PITRM1: variants seen among roughly 807,000 people sequenced by gnomAD.
The protein encoded by PITRM1 is presequence protease, mitochondrial.
In PITRM1, 100 loss-of-function variants were observed where a neutral mutation model predicts 129.9. The observed-to-expected ratio is 0.77, with a 90% CI of 0.65 to 0.91. PITRM1 has a LOEUF of 0.91. Among genes scored for constraint, PITRM1 ranks in the 40% least tolerant of loss-of-function variants. The pLI is 0.00. For missense variants in PITRM1, 1,471 were observed against 1,318.3 expected (o/e 1.12, Z -1.79); for synonymous variants, 591 against 508.8 (o/e 1.16, Z -2.17).
At chr10:3,152,531 CTG>C (rs1841609140) in intron 14 of PITRM1, among the ~76,000 whole-genome samples, 1 of 152,222 alleles carries the variant, frequency 6.6e-6, no homozygotes, top group Non-Finnish European at 1.5e-5. Context: ...AGGTGCCCCA[CTG>C]TGGGCTCCAG....
At chr10:3,147,286 G>C (rs759542993) in intron 19 of PITRM1, 36 bp from the exon 20 acceptor site, 4 of 1,434,186 alleles carry the variant, frequency 2.8e-6, no homozygotes, top group Non-Finnish European at 3.9e-6. Flanking sequence ...GAGAGGCAGA[G>C]GCTACAACAG....
intron 24 of PITRM1, among the ~76,000 whole-genome samples, chr10:3,139,489 C>G (rs114386376): frequency 2.7e-4 from 41 of 151,992 alleles, no homozygotes; most frequent in African/African-American, 9.7e-4. Context: ...TCCAGACTTC[C>G]CTTCGTGTAA....
At chr10:3,170,027 A>G in intron 2 of PITRM1, 77 bp downstream of exon 2, 1 of 1,078,706 alleles carries the variant, frequency 9.3e-7, no homozygotes, top group Non-Finnish European at 1.4e-6. Flanking sequence ...TCCGCCCTGA[A>G]GGGCTCCGTA....
In PITRM1 at chr10:3,143,371, C is replaced by T. The variant is rs556081541; in HGVS notation, c.2645+18G>A. On this transcript the variant is annotated intron_variant, in intron 23 of 26. Coordinates refer to ENST00000224949, the MANE Select transcript of PITRM1 (RefSeq NM_014889.4). ...CGTAAGGCTCAGGCCTGAGAGGTCC[C>T]GACCTACACCCTCCTACCTGGCATG... is the stretch of plus-strand genomic sequence containing the variant. 2.3e-4 allele frequency: 354 copies of T among 1,512,308 alleles called. 5 individuals are homozygous for T. In the Middle Eastern group the frequency reaches 3.2e-3, roughly 14 times the overall value. 93.7% of individuals were successfully genotyped at this position (1,512,308 alleles called of 1,614,324 possible). A position where few individuals can be genotyped will look rare whatever the true frequency, so the allele number is the denominator to read the frequency against.
intron 1 of PITRM1, among the ~76,000 whole-genome samples, chr10:3,171,147 TAAAAAAAAAAAA>T (rs1169315061): frequency 2.4e-4 from 12 of 49,206 alleles, no homozygotes; most frequent in South Asian, 2.2e-3. Flanking sequence ...ATCGTTCAAT[TAAAAAAAAAAAA>T]AAAAAAAAAA....
At chr10:3,152,331 C>T (rs35361061) in intron 14 of PITRM1, among the ~76,000 whole-genome samples, 368 of 152,278 alleles carry the variant, frequency 2.4e-3, no homozygotes, top group Admixed American at 4.8e-3. Context: ...CATGATTCCA[C>T]GACTCCCGGG....
intron 20 of PITRM1, 80 bp from the exon 21 acceptor site, chr10:3,145,796 AT>A (rs1840800315): frequency 8.9e-7 from 1 of 1,123,422 alleles, no homozygotes; most frequent in Admixed American, 2.1e-5. Flanking sequence ...GTATAACTCA[AT>A]AATGTTGTTT....
At position 3,163,871 on chromosome 10, in the gene PITRM1, C is replaced by A. The variant is rs547538282; in HGVS notation, c.645G>T (p.Arg215Ser). Residue 215 changes from arginine (R) to serine (S), a missense_variant, in exon 7 of 27, where the codon AGG (arginine) becomes AGT (serine). Arg to Ser is a moderately radical substitution (Grantham distance 110). Coordinates refer to ENST00000224949, the MANE Select transcript of PITRM1 (RefSeq NM_014889.4). ...TGTTCTGAAGGTGCTGGGAGAATAT[C>A]CTCTCATTGTCTGTCTTGAAACGTA... ...EMKGAFTDNE[R>S]IFSQHLQNRL... 2 of 1,604,230 alleles carry A rather than the reference C, an allele frequency of 1.2e-6. No homozygotes were observed. The highest frequency in any genetic ancestry group is 2.7e-5 in the African/African-American group (2 of 74,644).
chr10:3,143,271 ACACTCAGAGTCAG>A, intron 23 of PITRM1, 105 bp downstream of exon 23: 5 of 668,970 alleles, frequency 7.5e-6, no homozygotes, highest in Non-Finnish European at 1.4e-5. Context: ...CCCAGGTCCA[ACACTCAGAGTCAG>A]CACAGACTTT....
chr10:3,144,779 C>T (rs1297952657), intron 21 of PITRM1, among the ~76,000 whole-genome samples: 3 of 151,866 alleles, frequency 2.0e-5, no homozygotes, highest in South Asian at 2.1e-4. Context: ...CACTCCAGCC[C>T]GAGTGCCAGA....
At position 3,166,981 on chromosome 10, in the gene PITRM1, G is replaced by C; in HGVS notation, c.221C>G (p.Ala74Gly). ...AVKLTHDDTGARYLHLAREDT... is the reference protein window; with the variant it reads ...AVKLTHDDTGGRYLHLAREDT... ...TTCTCTGGCCAGGTGTAAATACCTG[G>C]CTCCTGTGTCATCATGGGTGAGCTT... The change falls in exon 3 of 27, where the codon GCC (alanine) becomes GGC (glycine). Residue 74 changes from alanine to glycine, a missense_variant. Transcript: ENST00000224949. 1 of 1,611,548 alleles carries C rather than the reference G, an allele frequency of 6.2e-7. No homozygotes were observed. Among genetic ancestry groups the C allele is most frequent in the Non-Finnish European group, 8.5e-7 (1 of 1,178,710 alleles).
chr10:3,163,789 G>C lies in PITRM1; in HGVS notation c.727C>G (p.Pro243Ala), dbSNP rs777724697. ...TTAAGCTGCTCCCATGTAAGCTCCGGGATGCACAGTGGGTCACCCCCGGAG... is the reference window on the plus strand; with the variant it reads ...TTAAGCTGCTCCCATGTAAGCTCCGCGATGCACAGTGGGTCACCCCCGGAG... ...VVSGGDPLCIPELTWEQLKQF... is the reference protein window; with the variant it reads ...VVSGGDPLCIAELTWEQLKQF... Residue 243 changes from proline to alanine, a missense_variant, in exon 7 of 27, where the codon CCG becomes GCG. Transcript: ENST00000224949. 16 of 1,613,484 alleles carry C rather than the reference G, an allele frequency of 9.9e-6. No homozygotes were observed. The East Asian group carries it at 3.6e-4, about 36-fold the overall frequency.
At chr10:3,172,092 TA>T in intron 1 of PITRM1, 2 of 422,504 alleles carry the variant, frequency 4.7e-6, no homozygotes, top group Non-Finnish European at 9.3e-6. Context: ...AAGGACATGA[TA>T]GGAAACTCCT....
At chr10:3,162,854 C>A (rs538459246) in intron 7 of PITRM1, among the ~76,000 whole-genome samples, 6 of 152,342 alleles carry the variant, frequency 3.9e-5, no homozygotes, top group Admixed American at 2.6e-4. Context: ...CCAGGTGTGA[C>A]CTGTGGGACC....
chr10:3,144,780 G>A lies in PITRM1; in HGVS notation c.2458-414C>T, dbSNP rs182131121. 3.5e-4 allele frequency among the ~76,000 whole-genome samples: 54 copies of A among 152,258 alleles called. No homozygotes were observed. The South Asian group carries it at 4.3e-3, about 12-fold the overall frequency. Reference sequence around the variant, plus strand: ...TAATGGCACCACTGCACTCCAGCCCGAGTGCCAGAGACAGACCCTGTCTCA... The same window carrying A: ...TAATGGCACCACTGCACTCCAGCCCAAGTGCCAGAGACAGACCCTGTCTCA... On this transcript the variant is annotated intron_variant, in intron 21 of 26. Coordinates refer to ENST00000224949, the MANE Select transcript of PITRM1 (RefSeq NM_014889.4).
At position 3,147,160 on chromosome 10, in the gene PITRM1, C is replaced by T; in HGVS notation, c.2326G>A (p.Asp776Asn). Residue 776 changes from aspartate (D) to asparagine (N), a missense_variant, in exon 20 of 27, where the codon GAT becomes AAT. Transcript: ENST00000224949. The part of the protein sequence containing the change: ...PRIKKHLLNG[D>N]NMRCSVNATP... ...AAATCACACATGCACCTCATATTAT[C>T]ACCATTTAACAAGTGTTTCTTGATA... The T allele has an allele frequency of 1.3e-6, 2 of 1,525,006 alleles. No individual in the cohort carries two copies. Among genetic ancestry groups the T allele is most frequent in the African/African-American group, 2.7e-5 (2 of 73,230 alleles). 94.5% of individuals were successfully genotyped at this position (1,525,006 alleles called of 1,614,324 possible).
At chr10:3,138,410 C>T (rs1190223193) in intron 25 of PITRM1, 73 bp from the exon 26 acceptor site, 10 of 966,198 alleles carry the variant, frequency 1.0e-5, no homozygotes, top group East Asian at 4.8e-5. Flanking sequence ...ACTCATGTCC[C>T]GGAGGGGACA....
chr10:3,153,637 AC>A (rs1447629347), intron 14 of PITRM1, among the ~76,000 whole-genome samples: 2 of 152,022 alleles, frequency 1.3e-5, no homozygotes, highest in African/African-American at 4.8e-5. Flanking sequence ...AACCAAAAAA[AC>A]AACAAAAAAA....
chr10:3,163,877 A>AT lies in PITRM1; in HGVS notation c.638dup (p.Asn213LysfsTer2), dbSNP rs1564429579. 1 of 1,599,332 alleles carries AT rather than the reference A, an allele frequency of 6.3e-7. No individual in the cohort carries two copies. The highest frequency in any genetic ancestry group is 1.1e-5 in the South Asian group (1 of 88,930). On this transcript the variant is annotated frameshift_variant, in exon 7 of 27. Transcript: ENST00000224949. LOFTEE classifies it high-confidence loss of function. ...GAAGGTGCTGGGAGAATATCCTCTC[A>AT]TTGTCTGTCTTGAAACGTAAAATAA...
Sources: allele counts gnomAD v4.1 joint callset (sites outside exome capture counted in the v4.1 genomes callset), GRCh38; gene constraint gnomAD v4.1.1; transcripts MANE v1.5; gene names NCBI Gene and HGNC (gene_info 2026-07-23, HGNC 2026-07-21).